Variants in ATRNL1 observed in about 807,000 individuals in gnomAD.
ATRNL1 encodes attractin like 1.
In ATRNL1, 95 loss-of-function variants were observed where a neutral mutation model predicts 182.7. That is an observed-to-expected ratio of 0.52 (90% CI 0.44 to 0.62). The LOEUF is 0.62. ATRNL1 is among the 20% of genes least tolerant of loss of function. The pLI is 0.00. For synonymous variants in ATRNL1, 576 were observed against 568.3 expected, an observed-to-expected ratio of 1.01 and a Z score of -0.19; for missense variants, 1,471 against 1,679.5, an observed-to-expected ratio of 0.88 and a Z score of 2.17.
At chr10:115,875,764 A>T (rs1239065566) in intron 28 of ATRNL1, among the ~76,000 whole-genome samples, 1 of 152,186 alleles carries the variant, frequency 6.6e-6, no homozygotes, top group African/African-American at 2.4e-5. Context: ...GGAGATAGTC[A>T]TCAAACAAAT....
At chr10:115,608,459 CAAG>C (rs1435695368) in intron 26 of ATRNL1, among the ~76,000 whole-genome samples, 1 of 151,980 alleles carries the variant, frequency 6.6e-6, no homozygotes, top group Non-Finnish European at 1.5e-5. Context: ...TAACAAGAAT[CAAG>C]AACACTACAT....
chr10:115,173,486 T>G (rs1847372885), intron 8 of ATRNL1, among the ~76,000 whole-genome samples: 1 of 151,936 alleles, frequency 6.6e-6, no homozygotes, highest in African/African-American at 2.4e-5. Flanking sequence ...AAAATCGACT[T>G]TATTGATTAT....
At chr10:115,472,974 G>A (rs1424501268) in intron 24 of ATRNL1, among the ~76,000 whole-genome samples, 3 of 151,100 alleles carry the variant, frequency 2.0e-5, no homozygotes, top group Admixed American at 1.3e-4. Flanking sequence ...TTAGCTATTG[G>A]CTTGTTGTAT....
intron 28 of ATRNL1, among the ~76,000 whole-genome samples, chr10:115,919,129 G>A (rs782618872): frequency 6.6e-6 from 1 of 152,166 alleles, no homozygotes; most frequent in Non-Finnish European, 1.5e-5. Context: ...ATTGCCCTGA[G>A]TTTGTGCATC....
intron 3 of ATRNL1, 71 bp downstream of exon 3, chr10:115,121,883 G>A (rs1280780419): frequency 1.5e-6 from 1 of 661,580 alleles, no homozygotes; most frequent in African/African-American, 1.9e-5. Context: ...ATATTGATAT[G>A]TACTGCAAAA....
At chr10:115,446,164 T>C (rs536815835) in intron 21 of ATRNL1, among the ~76,000 whole-genome samples, 143 of 152,194 alleles carry the variant, frequency 9.4e-4, no homozygotes, top group Middle Eastern at 3.4e-3. Flanking sequence ...CTCATTATGA[T>C]CTCTGCTTTA....
chr10:115,185,770 G>A (rs957227838), intron 8 of ATRNL1, among the ~76,000 whole-genome samples: 2 of 152,006 alleles, frequency 1.3e-5, no homozygotes, highest in African/African-American at 4.8e-5. Context: ...GAGAAAAATC[G>A]TAACTACATA....
intron 19 of ATRNL1, among the ~76,000 whole-genome samples, chr10:115,390,913 A>C (rs1843984607): frequency 6.6e-6 from 1 of 152,156 alleles, no homozygotes; most frequent in African/African-American, 2.4e-5. Context: ...TGCTATCATG[A>C]ATGGGATTGA....
At chr10:115,274,590 A>G (rs1335654494) in intron 13 of ATRNL1, among the ~76,000 whole-genome samples, 1 of 152,186 alleles carries the variant, frequency 6.6e-6, no homozygotes, top group Non-Finnish European at 1.5e-5. Context: ...ACTAGGTCCA[A>G]TCTATGTGAT....
intron 28 of ATRNL1, among the ~76,000 whole-genome samples, chr10:115,865,983 T>C (rs1346153328): frequency 6.6e-6 from 1 of 152,212 alleles, no homozygotes; most frequent in South Asian, 2.1e-4. Flanking sequence ...GGATTTTTTT[T>C]CTCTAATTCT....
At chr10:115,339,491 T>C (rs1396451895) in intron 19 of ATRNL1, among the ~76,000 whole-genome samples, 1 of 152,184 alleles carries the variant, frequency 6.6e-6, no homozygotes, top group Admixed American at 6.5e-5. Flanking sequence ...GATTACTTTC[T>C]TAATTTCTTT....
At chr10:115,808,693 T>A (rs1391613731) in intron 27 of ATRNL1, among the ~76,000 whole-genome samples, 1 of 152,186 alleles carries the variant, frequency 6.6e-6, no homozygotes, top group Non-Finnish European at 1.5e-5. Context: ...ATTCTTGAAC[T>A]AGTCAGCATT....
chr10:115,237,870 A>T (rs1035870579), intron 9 of ATRNL1, among the ~76,000 whole-genome samples: 3 of 152,188 alleles, frequency 2.0e-5, no homozygotes, highest in Non-Finnish European at 2.9e-5. Flanking sequence ...TGCATTTTAC[A>T]TTTAGCTCTG....
chr10:115,638,773 A>AATTT (rs1859051816), intron 26 of ATRNL1, among the ~76,000 whole-genome samples: 1 of 152,228 alleles, frequency 6.6e-6, no homozygotes, highest in Non-Finnish European at 1.5e-5. Flanking sequence ...AAATAAAAAT[A>AATTT]ATTTGCTGGA....
chr10:115,254,441 G>T (rs1191494271), intron 10 of ATRNL1, among the ~76,000 whole-genome samples: 1 of 152,202 alleles, frequency 6.6e-6, no homozygotes, highest in African/African-American at 2.4e-5. Flanking sequence ...CTTCTTTTGA[G>T]AAGTGTCTGT....
chr10:115,812,449 T>TA (rs1950068087), intron 27 of ATRNL1, among the ~76,000 whole-genome samples: 1 of 152,196 alleles, frequency 6.6e-6, no homozygotes, highest in Non-Finnish European at 1.5e-5. Context: ...GCCAATTTTT[T>TA]ATACCCCACT....
chr10:115,772,830 G>A (rs1811584423), intron 27 of ATRNL1, among the ~76,000 whole-genome samples: 1 of 152,056 alleles, frequency 6.6e-6, no homozygotes, highest in Non-Finnish European at 1.5e-5. Flanking sequence ...CATTTTTGCA[G>A]GCTAAATCAG....
chr10:115,646,801 T>A (rs113012286), intron 26 of ATRNL1, among the ~76,000 whole-genome samples: 3,683 of 152,150 alleles, frequency 0.024, 134 homozygotes, highest in African/African-American at 0.084. Flanking sequence ...TGTATGAATT[T>A]TTTTTATTAT....
intron 19 of ATRNL1, among the ~76,000 whole-genome samples, chr10:115,347,932 C>T (rs1215867956): frequency 3.3e-5 from 5 of 152,036 alleles, no homozygotes; most frequent in Admixed American, 1.3e-4. Flanking sequence ...AGTCTACATG[C>T]TGGCAATGCC....
Sources: allele counts gnomAD v4.1 joint callset (sites outside exome capture counted in the v4.1 genomes callset), GRCh38; gene constraint gnomAD v4.1.1; transcripts MANE v1.5; gene names NCBI Gene and HGNC (gene_info 2026-07-23, HGNC 2026-07-21).